The following ACE variants were observed in gnomAD, a reference collection of about 807,000 sequenced individuals.
ACE encodes the protein angiotensin-converting enzyme.
ACE carries 122 observed loss-of-function variants against 162.3 expected under a neutral mutation model. That is an observed-to-expected ratio of 0.75 (90% CI 0.65 to 0.87). The LOEUF (loss-of-function observed/expected upper bound fraction) is 0.87. ACE is among the 40% of genes least tolerant of loss of function. The probability of loss-of-function intolerance (pLI) is 0.00; values close to 1 mark genes in which losing one functional copy is unlikely to be tolerated. For synonymous variants in ACE, 796 were observed against 720.6 expected (o/e 1.10, Z -1.68); for missense variants, 1,799 against 1,735.1 (o/e 1.04, Z -0.65).
At chr17:63,478,916 C>A in intron 2 of ACE, 91 bp from the exon 3 acceptor site, 1 of 1,109,080 alleles carries the variant, frequency 9.0e-7, no homozygotes, top group South Asian at 1.3e-5. Flanking sequence ...CAAGCTACAT[C>A]CACTCTGTGG....
intron 17 of ACE, chr17:63,490,032 A>C (rs905635567): frequency 6.6e-6 from 1 of 152,388 alleles, no homozygotes; most frequent in Non-Finnish European, 1.5e-5. Flanking sequence ...ACAATTGGTA[A>C]AAGGGGAAAG....
intron 14 of ACE, 67 bp from the exon 15 acceptor site, chr17:63,486,919 G>T (rs1157393232): frequency 2.7e-6 from 4 of 1,497,810 alleles, no homozygotes; most frequent in East Asian, 2.3e-5. Context: ...GGGCCTGGGG[G>T]TAGTGCAGGC....
intron 5 of ACE, 57 bp from the exon 6 acceptor site, chr17:63,481,034 G>C: frequency 6.4e-7 from 1 of 1,558,768 alleles, no homozygotes; most frequent in Non-Finnish European, 8.9e-7. Context: ...AGCGATGCAT[G>C]AAGAAGCAGG....
rs149784122 is a variant in ACE, at chr17:63,483,145, C to T, written c.1459C>T (p.Arg487Cys). ...GVFSGRTPPS[R>C]YNFDWWYLRT... ...CTTTAGTGGGCGTACCCCCCCTTCC[C>T]GCTACAACTTCGACTGGTGGTATCT... The change falls in exon 9 of 25, where the codon CGC becomes TGC. Residue 487 changes from arginine to cysteine, a missense_variant. Transcript: ENST00000290866. The T allele has an allele frequency of 1.3e-4, 207 of 1,613,934 alleles. No homozygotes were observed. The highest frequency in any genetic ancestry group is 2.0e-4 in the East Asian group (9 of 44,870).
In ACE at chr17:63,496,832, C is replaced by T; in HGVS notation, c.3538C>T (p.Pro1180Ser). ...GAAGCTGGGCTTCAGTAGGCCGTGGCCGGAAGCCATGCAGCTGATCACGGG... is the reference window on the plus strand; with the variant it reads ...GAAGCTGGGCTTCAGTAGGCCGTGGTCGGAAGCCATGCAGCTGATCACGGG... Reference protein sequence around the residue: ...AMKLGFSRPWPEAMQLITGQP... With the variant: ...AMKLGFSRPWSEAMQLITGQP... Residue 1180 changes from proline (P) to serine (S), a missense_variant, in exon 24 of 25, where the codon CCG becomes TCG. Pro to Ser is a moderately conservative substitution (Grantham distance 74, BLOSUM62 -1). Transcript: ENST00000290866. The T allele has an allele frequency of 6.2e-7, 1 of 1,613,142 alleles. No homozygotes were observed. Among genetic ancestry groups the T allele is most frequent in the Non-Finnish European group, 8.5e-7 (1 of 1,180,032 alleles).
At position 63,477,161 on chromosome 17, in the gene ACE, C is replaced by T. The variant is rs1288779128; in HGVS notation, c.67C>T (p.Pro23Ser). 1 of 1,449,462 alleles carries T rather than the reference C, an allele frequency of 6.9e-7. No homozygotes were observed. Among genetic ancestry groups the T allele is most frequent in the South Asian group, 1.3e-5 (1 of 75,668 alleles). The allele number at this position is 1,449,462 out of a possible 1,614,324, so 89.8% of individuals were successfully genotyped here. A position where few individuals can be genotyped will look rare whatever the true frequency, so the allele number is the denominator to read the frequency against. ...GCCGCTGCCGCTGCTGTTGCTGCTG[C>T]CGCCGCAGCCCGCCCTGGCGTTGGA... ...LLPLPLLLLLPPQPALALDPG... is the reference protein window; with the variant it reads ...LLPLPLLLLLSPQPALALDPG... Residue 23 changes from proline (P) to serine (S), a missense_variant, in exon 1 of 25, where the codon CCG becomes TCG. By Grantham distance (74) the Pro-to-Ser change is moderately conservative. Coordinates refer to ENST00000290866, the MANE Select transcript of ACE (RefSeq NM_000789.4).
rs111369717 is a variant in ACE at position 63,496,229 on chromosome 17, G to T, written c.3381-165G>T. 1,455 of 968,870 alleles carry T rather than the reference G, an allele frequency of 1.5e-3. 10 individuals carry two copies. The African/African-American group carries it at 0.019, about 13-fold the overall frequency. 60.0% of individuals were successfully genotyped at this position (968,870 alleles called of 1,614,324 possible). On this transcript the variant is annotated intron_variant, in intron 22 of 24. Coordinates refer to ENST00000290866, the MANE Select transcript of ACE (RefSeq NM_000789.4). ...CTCAGACAATGCTAAGAGCTGGGGT[G>T]GGGGAGCTCACCCTGATAGCTGTGG...
At chr17:63,493,370 TCCC>T in intron 19 of ACE, 63 bp from the exon 20 acceptor site, 4 of 1,480,126 alleles carry the variant, frequency 2.7e-6, no homozygotes, top group Non-Finnish European at 3.8e-6. Context: ...GGCCCACTGT[TCCC>T]TTATGCCCAG....
chr17:63,485,304 T>C lies in ACE; in HGVS notation c.1990T>C (p.Trp664Arg). The change falls in exon 13 of 25, where the codon TGG becomes CGG. Residue 664 changes from tryptophan (W) to arginine (R), a missense_variant. Transcript: ENST00000290866. ...ATATGACCGGACATCCCAGGTGGTG[T>C]GGAACGAGTATGCCGAGGCCAACTG... The part of the protein sequence containing the change: ...EEYDRTSQVV[W>R]NEYAEANWNY... 1 of 1,613,764 alleles carries C rather than the reference T, an allele frequency of 6.2e-7. No homozygotes were observed. The highest frequency in any genetic ancestry group is 8.5e-7 in the Non-Finnish European group (1 of 1,179,946).
In ACE at chr17:63,497,242, G is replaced by GCAT; in HGVS notation, c.3799_3801dup (p.Ile1267dup). On this transcript the variant is annotated inframe_insertion, in exon 25 of 25. Coordinates refer to ENST00000290866, the MANE Select transcript of ACE (RefSeq NM_000789.4). ...GGCCAGTGGCTGCTGCTCTTCCTGG[G>GCAT]CATCGCCCTGCTGGTAGCCACCCTG... The GCAT allele has an allele frequency of 6.3e-7, 1 of 1,581,048 alleles. No individual in the cohort carries two copies. Among genetic ancestry groups the GCAT allele is most frequent in the South Asian group, 1.1e-5 (1 of 87,140 alleles).
At chr17:63,478,581 T>C in intron 2 of ACE, 1 of 326,370 alleles carries the variant, frequency 3.1e-6, no homozygotes, top group Non-Finnish European at 6.0e-6. Context: ...AAGGATCACC[T>C]GAGCCCAGGA....
At chr17:63,495,099 C>G (rs1242223115) in intron 22 of ACE, among the ~76,000 whole-genome samples, 1 of 152,208 alleles carries the variant, frequency 6.6e-6, no homozygotes, top group Non-Finnish European at 1.5e-5. Context: ...AGCATTCTGT[C>G]TCATACACAG....
At position 63,486,631 on chromosome 17, in the gene ACE, G is replaced by C; in HGVS notation, c.2133G>C (p.Gln711His). 3 of 1,614,242 alleles carry C rather than the reference G, an allele frequency of 1.9e-6. No homozygotes were observed. The highest frequency in any genetic ancestry group is 2.5e-6 in the Non-Finnish European group (3 of 1,180,042). ...AGGCCAGGAAGTTTGATGTGAACCA[G>C]TTGCAGAACACCACTATCAAGCGGA... ...GTQARKFDVN[Q>H]LQNTTIKRII... Residue 711 changes from glutamine to histidine, a missense_variant, in exon 14 of 25, where the codon CAG becomes CAC. Coordinates refer to ENST00000290866, the MANE Select transcript of ACE (RefSeq NM_000789.4).
At chr17:63,488,603 A>T (rs770737825) in intron 15 of ACE, 45 bp from the exon 16 acceptor site, 1 of 1,598,614 alleles carries the variant, frequency 6.3e-7, no homozygotes, top group Non-Finnish European at 8.5e-7. Context: ...TTACAAGCAG[A>T]GGTGAGCTAA....
intron 9 of ACE, 105 bp from the exon 10 acceptor site, chr17:63,483,355 T>G (rs978369753): frequency 2.1e-6 from 3 of 1,458,596 alleles, no homozygotes; most frequent in Middle Eastern, 1.7e-4. Context: ...CCCCAGTTCC[T>G]CAGGATGGGG....
Position 63,495,104 on chromosome 17 carries a change from A to G in ACE, c.3380+634A>G, listed in dbSNP as rs145687420. 3.5e-3 allele frequency among the ~76,000 whole-genome samples: 532 copies of G among 152,264 alleles called. 2 individuals carry two copies. The Middle Eastern group carries it at 0.037, about 11-fold the overall frequency. The stretch of plus-strand genomic sequence containing the variant: ...CTAACTTCTTAGCATTCTGTCTCAT[A>G]CACAGCCTCCTCAGGGAGGGGTGGC... On this transcript the variant is annotated intron_variant, in intron 22 of 24. Transcript: ENST00000290866.
In ACE at chr17:63,477,271, G is replaced by A. The variant is rs147912715; in HGVS notation, c.177G>A (p.Gln59=). Reference sequence around the variant, plus strand: ...AGAGCTACAACTCCAGCGCCGAACAGGTGCTGTTCCAGAGCGTGGCCGCCA... The same window carrying A: ...AGAGCTACAACTCCAGCGCCGAACAAGTGCTGTTCCAGAGCGTGGCCGCCA... ...FAQSYNSSAE[Q]VLFQSVAASW... Residue 59 remains glutamine, a synonymous_variant, in exon 1 of 25, where the codon CAG becomes CAA. Transcript: ENST00000290866. 1,107 of 1,487,410 alleles carry A rather than the reference G, an allele frequency of 7.4e-4. 24 individuals carry two copies. In the East Asian group the frequency reaches 0.029, roughly 39 times the overall value. The allele number at this position is 1,487,410 out of a possible 1,614,324, so 92.1% of individuals were successfully genotyped here. A position where few individuals can be genotyped will look rare whatever the true frequency, so the allele number is the denominator to read the frequency against.
rs747788725 is a variant in ACE at position 63,482,709 on chromosome 17, C to G, written c.1342+20C>G. The G allele has an allele frequency of 5.0e-6, 8 of 1,609,506 alleles. No individual in the cohort carries two copies. Among genetic ancestry groups the G allele is most frequent in the South Asian group, 1.1e-5 (1 of 90,948 alleles). Reference sequence around the variant, plus strand: ...ACACGGGTATGGGAGGGCTGAGAGGCCCCCACCCAGCCTCACCTAAACCCC... The same window carrying G: ...ACACGGGTATGGGAGGGCTGAGAGGGCCCCACCCAGCCTCACCTAAACCCC... On this transcript the variant is annotated intron_variant, in intron 8 of 24. Transcript: ENST00000290866.
intron 17 of ACE, 61 bp from the exon 18 acceptor site, chr17:63,490,893 G>A: frequency 1.3e-6 from 2 of 1,497,908 alleles, no homozygotes; most frequent in Non-Finnish European, 1.9e-6. Context: ...CTGCAGGAGG[G>A]CATTGAGCCT....
Sources: gnomAD v4.1 joint callset for allele counts (sites outside exome capture counted in the v4.1 genomes callset) on GRCh38, gnomAD v4.1.1 for gene constraint, MANE v1.5 for transcripts, NCBI Gene and HGNC (gene_info 2026-07-23, HGNC 2026-07-21) for gene names.